SIRT1: variants seen among roughly 807,000 people sequenced by gnomAD.
SIRT1 encodes NAD-dependent protein deacetylase sirtuin-1.
A neutral mutation model predicts 67.9 loss-of-function variants in SIRT1; 24 were observed. The ratio of observed to expected loss-of-function variants is 0.35; its 90% CI spans 0.26 to 0.50. The LOEUF (loss-of-function observed/expected upper bound fraction) is 0.50, where lower values mean the gene tolerates loss of function less well. SIRT1 is among the 20% of genes least tolerant of loss of function. The pLI is 0.98. For missense variants in SIRT1, 873 were observed against 937.2 expected (o/e 0.93, Z 0.89); for synonymous variants, 378 against 350.7 (o/e 1.08, Z -0.87).
At chr10:67,898,709 G>C (rs1227811281) in intron 4 of SIRT1, among the ~76,000 whole-genome samples, 1 of 151,986 alleles carries the variant, frequency 6.6e-6, no homozygotes. Flanking sequence ...AGTGGCTTGC[G>C]ACTGTAGTCC....
At chr10:67,916,054 C>A (rs779729782) in intron 8 of SIRT1, among the ~76,000 whole-genome samples, 7 of 152,156 alleles carry the variant, frequency 4.6e-5, no homozygotes, top group African/African-American at 7.2e-5. Flanking sequence ...CCCTTGAACT[C>A]CTGGGCTCAA....
intron 1 of SIRT1, 21 bp downstream of exon 1, chr10:67,885,172 CG>C: frequency 7.4e-7 from 1 of 1,357,584 alleles, no homozygotes; most frequent in Non-Finnish European, 9.6e-7. Context: ...TGCGGGCGGC[CG>C]GAACTGCGCA....
chr10:67,908,230 G>C, intron 6 of SIRT1, 105 bp downstream of exon 6: 1 of 856,810 alleles, frequency 1.2e-6, no homozygotes, highest in Non-Finnish European at 1.8e-6. Flanking sequence ...GGTACAGAAA[G>C]ATTCAGGAAG....
At chr10:67,889,386 A>T (rs1248298625) in intron 3 of SIRT1, among the ~76,000 whole-genome samples, 2 of 152,222 alleles carry the variant, frequency 1.3e-5, no homozygotes, top group East Asian at 3.8e-4. Flanking sequence ...ACATTATATC[A>T]TAGCTCCTAA....
intron 4 of SIRT1, chr10:67,906,117 T>C: frequency 7.8e-7 from 1 of 1,277,488 alleles, no homozygotes; most frequent in Non-Finnish European, 9.9e-7. Context: ...ATACTTTTTC[T>C]CTGATCTTTT....
intron 4 of SIRT1, among the ~76,000 whole-genome samples, chr10:67,897,552 C>CG (rs1564886958): frequency 6.6e-6 from 1 of 152,054 alleles, no homozygotes; most frequent in East Asian, 1.9e-4. Context: ...TTAGTAGAGA[C>CG]GGGGTTTCAC....
intron 8 of SIRT1, 111 bp from the exon 9 acceptor site, chr10:67,916,154 A>T: frequency 1.0e-6 from 1 of 953,756 alleles, no homozygotes; most frequent in Non-Finnish European, 1.5e-6. Flanking sequence ...GTAGTCTTTC[A>T]TAAGGACACT....
chr10:67,897,786 C>T lies in SIRT1; in HGVS notation c.942+6232C>T, dbSNP rs973902663. 2.6e-5 allele frequency among the ~76,000 whole-genome samples: 4 copies of T among 151,752 alleles called. No individual in the cohort carries two copies. In the East Asian group the frequency reaches 7.8e-4, roughly 30 times the overall value. On this transcript the variant is annotated intron_variant, in intron 4 of 8. Transcript: ENST00000212015. ...GTTCTGGGATTACAGGCGTGAGCCA[C>T]TTCGCCCAGCCTGCACTGTGTTCTT...
At chr10:67,909,559 C>A in intron 7 of SIRT1, 117 bp downstream of exon 7, 1 of 849,274 alleles carries the variant, frequency 1.2e-6, no homozygotes, top group Non-Finnish European at 1.7e-6. Flanking sequence ...TGGTGAAGAG[C>A]TAATTTTAGA....
chr10:67,907,504 A>AG (rs1231055982), intron 5 of SIRT1, among the ~76,000 whole-genome samples: 19 of 148,290 alleles, frequency 1.3e-4, no homozygotes, highest in Non-Finnish European at 2.3e-4. Flanking sequence ...AAAAAAAAAA[A>AG]AAAAGAAAAA....
intron 1 of SIRT1, 26 bp from the exon 2 acceptor site, chr10:67,887,391 C>T (rs1435451708): frequency 6.7e-7 from 1 of 1,495,196 alleles, no homozygotes; most frequent in Non-Finnish European, 9.3e-7. Context: ...TTTTGATAGC[C>T]TTGACTGACT....
At chr10:67,908,459 T>C (rs368346742) in intron 6 of SIRT1, among the ~76,000 whole-genome samples, 45 of 152,326 alleles carry the variant, frequency 3.0e-4, no homozygotes, top group Admixed American at 1.2e-3. Flanking sequence ...AAATTAGTTA[T>C]GGTAATCTAA....
chr10:67,908,765 GGTGGCATAT>G (rs1357095310), intron 6 of SIRT1, among the ~76,000 whole-genome samples: 1 of 152,136 alleles, frequency 6.6e-6, no homozygotes, highest in Non-Finnish European at 1.5e-5. Flanking sequence ...AGCCTGGCAT[GGTGGCATAT>G]GCCTTTAATC....
intron 4 of SIRT1, among the ~76,000 whole-genome samples, chr10:67,893,284 C>G (rs781722920): frequency 3.3e-5 from 5 of 152,160 alleles, no homozygotes; most frequent in African/African-American, 2.4e-5. Flanking sequence ...TGTCCTAATG[C>G]TTTTCCACCC....
At chr10:67,905,772 A>G (rs1019701043) in intron 4 of SIRT1, among the ~76,000 whole-genome samples, 3 of 152,182 alleles carry the variant, frequency 2.0e-5, no homozygotes, top group African/African-American at 7.2e-5. Context: ...AGTTACACAT[A>G]CTGGTGACTA....
intron 4 of SIRT1, chr10:67,906,050 C>A: frequency 1.1e-6 from 1 of 892,404 alleles, no homozygotes; most frequent in Non-Finnish European, 1.5e-6. Flanking sequence ...TTGCCATAGT[C>A]ACTTACTAAA....
At chr10:67,907,298 C>T (rs551006034) in intron 5 of SIRT1, among the ~76,000 whole-genome samples, 59 of 152,092 alleles carry the variant, frequency 3.9e-4, no homozygotes, top group Middle Eastern at 3.4e-3. Flanking sequence ...AGTTCGAGAA[C>T]AGCTTGGCCA....
In SIRT1 at chr10:67,895,798, G is replaced by T. The variant is rs979452293; in HGVS notation, c.942+4244G>T. Among the ~76,000 whole-genome samples the T allele has an allele frequency of 3.1e-5, 4 of 127,454 alleles. No homozygotes were observed. In the East Asian group the frequency reaches 1.0e-3, roughly 32 times the overall value. The allele number at this position is 127,454 out of a possible 152,430, so 83.6% of individuals were successfully genotyped here. On this transcript the variant is annotated intron_variant, in intron 4 of 8. Coordinates refer to ENST00000212015, the MANE Select transcript of SIRT1 (RefSeq NM_012238.5). ...CTCTTGTCACCCAGGCTGGAGTGCC[G>T]TGGTGAGATCTCGGCTCACTACAAC... is the stretch of plus-strand genomic sequence containing the variant.
At chr10:67,894,004 G>A (rs1286038583) in intron 4 of SIRT1, among the ~76,000 whole-genome samples, 1 of 152,128 alleles carries the variant, frequency 6.6e-6, no homozygotes, top group East Asian at 1.9e-4. Flanking sequence ...TTTGGATGCA[G>A]TAGCTCGTGC....
Sources: gnomAD v4.1 joint callset for allele counts (sites outside exome capture counted in the v4.1 genomes callset) on GRCh38, gnomAD v4.1.1 for gene constraint, MANE v1.5 for transcripts, NCBI Gene and HGNC (gene_info 2026-07-23, HGNC 2026-07-21) for gene names.